RABGEF1: variants seen among roughly 807,000 people sequenced by gnomAD.
The protein encoded by RABGEF1 is rab5 GDP/GTP exchange factor.
In RABGEF1, 26 loss-of-function variants were observed where a neutral mutation model predicts 57.3. That is an observed-to-expected ratio of 0.45 (90% CI 0.33 to 0.63). The LOEUF (loss-of-function observed/expected upper bound fraction) is 0.63, where lower values mean the gene tolerates loss of function less well. Ranked by LOEUF, RABGEF1 falls within the 20% of genes least tolerant of loss-of-function variation. RABGEF1 has a pLI of 0.02. For synonymous variants in RABGEF1, 185 were observed against 210.7 expected (o/e 0.88, Z 1.06); for missense variants, 464 against 607.6 (o/e 0.76, Z 2.48).
chr7:66,692,349 TCTC>T (rs1791648988), intron 1 of RABGEF1, among the ~76,000 whole-genome samples: 2 of 152,038 alleles, frequency 1.3e-5, no homozygotes, highest in African/African-American at 4.8e-5. Context: ...CTTCCTGGCA[TCTC>T]CTCCCATGTA....
intron 2 of RABGEF1, among the ~76,000 whole-genome samples, chr7:66,733,823 T>C (rs1303705450): frequency 6.6e-6 from 1 of 152,050 alleles, no homozygotes; most frequent in Non-Finnish European, 1.5e-5. Flanking sequence ...GTGAACATAG[T>C]GAAACCCCGT....
chr7:66,715,207 AT>A (rs1795243091), intron 2 of RABGEF1, among the ~76,000 whole-genome samples: 2 of 152,022 alleles, frequency 1.3e-5, no homozygotes, highest in Admixed American at 6.6e-5. Flanking sequence ...AGCTCACTGC[AT>A]CCTCAAACTC....
the RABGEF1 span, among the ~76,000 whole-genome samples, chr7:66,667,826 C>G: frequency 6.6e-6 from 1 of 152,176 alleles, no homozygotes; most frequent in African/African-American, 2.4e-5. Flanking sequence ...GAGATGGAGT[C>G]TTGCTCTGTC....
the RABGEF1 span, among the ~76,000 whole-genome samples, chr7:66,674,388 GT>G: frequency 1.3e-5 from 2 of 151,788 alleles, no homozygotes; most frequent in African/African-American, 4.8e-5. Context: ...GAGTTTCACC[GT>G]TTTGGCTAGG....
At chr7:66,722,552 C>A (rs1008279821) in intron 2 of RABGEF1, among the ~76,000 whole-genome samples, 2 of 152,162 alleles carry the variant, frequency 1.3e-5, no homozygotes, top group Admixed American at 6.5e-5. Flanking sequence ...TCTTTTATTA[C>A]TTGTGCTTTA....
chr7:66,686,396 C>T lies in RABGEF1; in HGVS notation c.-873+4138C>T, dbSNP rs932448197. Among the ~76,000 whole-genome samples, 12 of 152,198 alleles carry T rather than the reference C, an allele frequency of 7.9e-5. 1 individual carries two copies. In the East Asian group the frequency reaches 1.7e-3, roughly 22 times the overall value. On this transcript the variant is annotated intron_variant and NMD_transcript_variant, in intron 1 of 9. Coordinates refer to the RABGEF1 transcript ENST00000607882. Reference sequence around the variant, plus strand: ...CCAAAGTGGGAGGATCGCTTGAGTCCGGAAGTTCCAGGCTGCAGTGAGCTG... The same window carrying T: ...CCAAAGTGGGAGGATCGCTTGAGTCTGGAAGTTCCAGGCTGCAGTGAGCTG...
At chr7:66,666,361 CT>C in the RABGEF1 span, 1 of 152,250 alleles carries the variant, frequency 6.6e-6, no homozygotes, top group Non-Finnish European at 1.5e-5. Flanking sequence ...CATCCCAGCT[CT>C]GTTGGTTGCA....
At chr7:66,757,767 A>G (rs1312930735) in intron 1 of RABGEF1, among the ~76,000 whole-genome samples, 1 of 152,094 alleles carries the variant, frequency 6.6e-6, no homozygotes, top group East Asian at 1.9e-4. Flanking sequence ...GCCTGCCACC[A>G]TGCCCGGCTA....
At chr7:66,784,018 C>G (rs1156319523) in intron 4 of RABGEF1, among the ~76,000 whole-genome samples, 177 bp downstream of exon 4, 11 of 152,196 alleles carry the variant, frequency 7.2e-5, no homozygotes. Flanking sequence ...TAGGCTAGTA[C>G]TTTTCCACTG....
chr7:66,701,498 CTT>C (rs1261259435), intron 1 of RABGEF1, among the ~76,000 whole-genome samples: 19 of 128,784 alleles, frequency 1.5e-4, no homozygotes, highest in Admixed American at 3.2e-4. Context: ...GACTCTGACT[CTT>C]TTTTTTTTTT....
At position 66,772,097 on chromosome 7, in the gene RABGEF1, G is replaced by A. The variant is rs1369008755; in HGVS notation, c.179+19G>A. ...CGGAGCGGTAAAAGGACTTAACTAG[G>A]GGCGGTTGAACAGTGACGTGACTGG... is the stretch of plus-strand genomic sequence containing the variant. On this transcript the variant is annotated intron_variant, in intron 2 of 8. Transcript: ENST00000284957. 1 of 1,463,516 alleles carries A rather than the reference G, an allele frequency of 6.8e-7. No individual in the cohort carries two copies. The highest frequency in any genetic ancestry group is 1.4e-5 in the African/African-American group (1 of 69,280). 90.7% of individuals were successfully genotyped at this position (1,463,516 alleles called of 1,614,324 possible).
At chr7:66,658,834 C>G in the RABGEF1 span, among the ~76,000 whole-genome samples, 1 of 152,082 alleles carries the variant, frequency 6.6e-6, no homozygotes, top group South Asian at 2.1e-4. Context: ...CTCCCGGGTT[C>G]ACGCCATTCT....
intron 1 of RABGEF1, among the ~76,000 whole-genome samples, chr7:66,697,027 C>A (rs972668336): frequency 1.3e-5 from 2 of 152,280 alleles, no homozygotes; most frequent in Middle Eastern, 3.4e-3. Flanking sequence ...GAAGGAGGCA[C>A]CCCTGACCCC....
In RABGEF1 at chr7:66,787,810, A is replaced by G. The variant is rs532544726; in HGVS notation, c.513+3969A>G. Among the ~76,000 whole-genome samples the G allele has an allele frequency of 3.9e-5, 6 of 152,362 alleles. No individual in the cohort carries two copies. In the East Asian group the frequency reaches 1.2e-3, roughly 29 times the overall value. ...AATTTTAAGGCACTGTATAGACCCA[A>G]TCAAGTGTTAACCTTTCCCATAATA... is the stretch of plus-strand genomic sequence containing the variant. On this transcript the variant is annotated intron_variant, in intron 4 of 8. Coordinates refer to ENST00000284957, the MANE Select transcript of RABGEF1 (RefSeq NM_014504.3).
the RABGEF1 span, among the ~76,000 whole-genome samples, chr7:66,676,736 G>A: frequency 6.6e-6 from 1 of 152,132 alleles, no homozygotes; most frequent in Non-Finnish European, 1.5e-5. Context: ...GCTCCACCAT[G>A]CCCAGCTAAG....
chr7:66,662,692 C>T, the RABGEF1 span, among the ~76,000 whole-genome samples: 10 of 150,804 alleles, frequency 6.6e-5, no homozygotes, highest in East Asian at 9.6e-4. Flanking sequence ...CAAAATCTGG[C>T]GCCAGGAAGA....
At chr7:66,754,836 A>G (rs1802324060) in intron 1 of RABGEF1, among the ~76,000 whole-genome samples, 1 of 152,182 alleles carries the variant, frequency 6.6e-6, no homozygotes, top group African/African-American at 2.4e-5. Context: ...GTGATTATGG[A>G]TGAAATGGCT....
rs560596831 is a variant in RABGEF1, at chr7:66,748,174, G to A, written c.-18+7382G>A. Reference sequence around the variant, plus strand: ...AGGGCTGGGTGTCGAGTTTTACTTTGTGTGTTAGTAAAACTCCTTATTGGC... The same window carrying A: ...AGGGCTGGGTGTCGAGTTTTACTTTATGTGTTAGTAAAACTCCTTATTGGC... On this transcript the variant is annotated intron_variant, in intron 1 of 8. Coordinates refer to ENST00000284957, the MANE Select transcript of RABGEF1 (RefSeq NM_014504.3). 2.0e-5 allele frequency among the ~76,000 whole-genome samples: 3 copies of A among 152,322 alleles called. No homozygotes were observed. In the East Asian group the frequency reaches 5.8e-4, roughly 29 times the overall value.
At chr7:66,699,287 C>G (rs1474648409) in intron 1 of RABGEF1, among the ~76,000 whole-genome samples, 1 of 152,192 alleles carries the variant, frequency 6.6e-6, no homozygotes, top group African/African-American at 2.4e-5. Context: ...TTCTCTGTTC[C>G]CCTAGACCGG....
Sources: gnomAD v4.1 joint callset for allele counts (sites outside exome capture counted in the v4.1 genomes callset) on GRCh38, gnomAD v4.1.1 for gene constraint, MANE v1.5 for transcripts, NCBI Gene and HGNC (gene_info 2026-07-23, HGNC 2026-07-21) for gene names.